Variants in HIPK3 observed in about 807,000 individuals in gnomAD.
HIPK3 encodes homeodomain interacting protein kinase 3, also known as homeodomain-interacting protein kinase 3.
HIPK3 carries 47 observed loss-of-function variants against 124.2 expected under a neutral mutation model. The observed-to-expected ratio is 0.38, with a 90% CI of 0.30 to 0.48. HIPK3 has a LOEUF of 0.48. HIPK3 is among the 20% of genes least tolerant of loss of function. HIPK3 has a pLI of 0.98. For synonymous variants in HIPK3, 482 were observed against 515.2 expected (o/e 0.94, Z 0.87); for missense variants, 1,286 against 1,454.3 (o/e 0.88, Z 1.88).
At chr11:33,319,254 C>T (rs1048721261) in intron 2 of HIPK3, among the ~76,000 whole-genome samples, 3 of 152,130 alleles carry the variant, frequency 2.0e-5, no homozygotes, top group Non-Finnish European at 2.9e-5. Flanking sequence ...CCCAGCACTT[C>T]GGGAGACCGA....
chr11:33,339,304 C>A (rs889442845), intron 5 of HIPK3, 46 bp from the exon 6 acceptor site: 2 of 1,469,186 alleles, frequency 1.4e-6, no homozygotes, highest in Non-Finnish European at 1.9e-6. Context: ...ATACTACTCT[C>A]TGTGACTTAT....
At chr11:33,350,734 CAACA>C (rs925361064) in intron 14 of HIPK3, among the ~76,000 whole-genome samples, 6 of 151,960 alleles carry the variant, frequency 3.9e-5, no homozygotes, top group African/African-American at 1.2e-4. Flanking sequence ...ATTTTAGTGG[CAACA>C]AACATTTGAA....
chr11:33,298,876 A>C (rs1851912584), intron 2 of HIPK3, among the ~76,000 whole-genome samples: 1 of 151,898 alleles, frequency 6.6e-6, no homozygotes, highest in Admixed American at 6.6e-5. Flanking sequence ...TTTGAGATGG[A>C]GTCTGTGTTG....
intron 3 of HIPK3, among the ~76,000 whole-genome samples, chr11:33,332,764 T>A (rs1044887706): frequency 6.6e-6 from 1 of 152,108 alleles, no homozygotes; most frequent in Admixed American, 6.5e-5. Context: ...TTTATTTATA[T>A]GTGTGGATGT....
chr11:33,353,251 C>T lies in HIPK3; in HGVS notation c.3331C>T (p.His1111Tyr). ...GCATGCCCACCTGGCTGGAAATACACACCTCGGAGGACAGCCTACTCTACT... is the reference window on the plus strand; with the variant it reads ...GCATGCCCACCTGGCTGGAAATACATACCTCGGAGGACAGCCTACTCTACT... ...AVHAHLAGNT[H>Y]LGGQPTLLPY... The change falls in exon 17 of 17, where the codon CAC becomes TAC. Residue 1111 changes from histidine to tyrosine, a missense_variant. Around this residue, in one of 3 missense-constraint regions of HIPK3, gnomAD observed 810 missense variants for 864.9 expected, o/e 0.94. Coordinates refer to ENST00000303296, the MANE Select transcript of HIPK3 (RefSeq NM_005734.5). 6.2e-7 allele frequency: 1 copy of T among 1,614,172 alleles called. No individual in the cohort carries two copies. Among genetic ancestry groups the T allele is most frequent in the Non-Finnish European group, 8.5e-7 (1 of 1,180,032 alleles).
chr11:33,272,164 G>A (rs1051725218), intron 1 of HIPK3, among the ~76,000 whole-genome samples: 3 of 152,100 alleles, frequency 2.0e-5, no homozygotes, highest in Non-Finnish European at 2.9e-5. Flanking sequence ...TTGGGAGGCC[G>A]AGGCAGGTGG....
intron 3 of HIPK3, among the ~76,000 whole-genome samples, chr11:33,328,850 T>G (rs1407727685): frequency 6.6e-6 from 1 of 152,218 alleles, no homozygotes; most frequent in African/African-American, 2.4e-5. Context: ...AAACCAGTTT[T>G]GTAAAATTAT....
At chr11:33,348,897 T>C in intron 13 of HIPK3, 79 bp downstream of exon 13, 1 of 1,349,978 alleles carries the variant, frequency 7.4e-7, no homozygotes, top group Non-Finnish European at 1.0e-6. Flanking sequence ...CTGTGACTTA[T>C]TTCTTGTTTG....
At chr11:33,328,356 A>G (rs1201110345) in intron 2 of HIPK3, among the ~76,000 whole-genome samples, 154 bp from the exon 3 acceptor site, 12 of 152,242 alleles carry the variant, frequency 7.9e-5, no homozygotes, top group Admixed American at 7.9e-4. Context: ...ATTCAGGATT[A>G]TGTCTAGGTT....
chr11:33,299,781 T>G (rs1851943031), intron 2 of HIPK3, among the ~76,000 whole-genome samples: 1 of 152,090 alleles, frequency 6.6e-6, no homozygotes, highest in Non-Finnish European at 1.5e-5. Flanking sequence ...ATCCTAGCAC[T>G]TTGGGAGGCT....
chr11:33,257,304 C>T (rs1565047410), upstream of HIPK3: 5 of 983,480 alleles, frequency 5.1e-6, no homozygotes, highest in African/African-American at 3.5e-5. Context: ...CGCAGCGCTG[C>T]CGGGCGGGCG....
At chr11:33,281,574 T>G (rs879720850) in intron 1 of HIPK3, among the ~76,000 whole-genome samples, 1 of 152,230 alleles carries the variant, frequency 6.6e-6, no homozygotes, top group Admixed American at 6.5e-5. Context: ...GTAATTCTTT[T>G]CATTGCTGCC....
At chr11:33,257,349 G>T (rs565908998), upstream of HIPK3, 13 of 984,526 alleles carry the variant, frequency 1.3e-5, no homozygotes, top group Non-Finnish European at 1.4e-5. Flanking sequence ...AGGCCGACGA[G>T]CGCGGAGGAG....
intron 1 of HIPK3, among the ~76,000 whole-genome samples, chr11:33,259,069 G>C (rs1017790402): frequency 6.6e-5 from 10 of 152,140 alleles, no homozygotes; most frequent in Admixed American, 6.6e-4. Context: ...GTAGTTTGGA[G>C]ATCTGCTGAC....
At position 33,311,502 on chromosome 11, in the gene HIPK3, A is replaced by G. The variant is rs145551899; in HGVS notation, c.1098-17008A>G. On this transcript the variant is annotated intron_variant, in intron 2 of 16. Transcript: ENST00000303296. ...GCCTTTTTTGTTTGTTTGTTTTTCAATAGACTATTTTGTAGAGTAGTTTTA... is the reference window on the plus strand; with the variant it reads ...GCCTTTTTTGTTTGTTTGTTTTTCAGTAGACTATTTTGTAGAGTAGTTTTA... 3.9e-5 allele frequency among the ~76,000 whole-genome samples: 6 copies of G among 152,072 alleles called. No homozygotes were observed. In the East Asian group the frequency reaches 9.6e-4, roughly 24 times the overall value.
chr11:33,257,206 C>T, upstream of HIPK3: 2 of 981,436 alleles, frequency 2.0e-6, no homozygotes, highest in Non-Finnish European at 2.4e-6. Flanking sequence ...GCAACAAGGG[C>T]GCGGCTGCGG....
In HIPK3 at chr11:33,347,363, T is replaced by C. The variant is rs990138943; in HGVS notation, c.1968T>C (p.Thr656=). Residue 656 remains threonine (T), a synonymous_variant, in exon 9 of 17, where the codon ACT becomes ACC. Transcript: ENST00000303296. ...IRVDNTVPLV[T]QAPAVQPLQI... is the part of the protein sequence containing the mutation. ...TAGATAATACAGTTCCACTTGTAAC[T>C]CAGGCCCCAGCTGTGCAGCCACTAC... is the stretch of plus-strand genomic sequence containing the variant. The C allele has an allele frequency of 6.2e-7, 1 of 1,613,906 alleles. No homozygotes were observed. Among genetic ancestry groups the C allele is most frequent in the Non-Finnish European group, 8.5e-7 (1 of 1,179,932 alleles).
intron 3 of HIPK3, among the ~76,000 whole-genome samples, chr11:33,330,044 C>G (rs368083250): frequency 2.8e-4 from 42 of 152,090 alleles, no homozygotes; most frequent in African/African-American, 9.7e-4. Context: ...GTAACTGCCC[C>G]CTTTTCATTT....
chr11:33,276,253 CTG>C (rs1393026338), intron 1 of HIPK3, among the ~76,000 whole-genome samples: 1 of 152,132 alleles, frequency 6.6e-6, no homozygotes, highest in Admixed American at 6.5e-5. Context: ...AAAGTAAAGA[CTG>C]TTCAGTTGTT....
Sources: allele counts gnomAD v4.1 joint callset (sites outside exome capture counted in the v4.1 genomes callset), GRCh38; gene constraint gnomAD v4.1.1; regional missense constraint gnomAD v4.1.1; transcripts MANE v1.5; gene names NCBI Gene and HGNC (gene_info 2026-07-23, HGNC 2026-07-21).